The following AGMO variants were observed in gnomAD, a reference collection of about 807,000 sequenced individuals.
The protein encoded by AGMO is glyceryl-ether monooxygenase.
In AGMO, 75 loss-of-function variants were observed where a neutral mutation model predicts 60.2. The ratio of observed to expected loss-of-function variants is 1.25; its 90% CI spans 1.03 to 1.51. The LOEUF (loss-of-function observed/expected upper bound fraction) is 1.51, where lower values mean the gene tolerates loss of function less well. Ranked by LOEUF, AGMO falls within the 40% of genes most tolerant of loss-of-function variation. The probability of loss-of-function intolerance (pLI) is 0.00; values close to 1 mark genes in which losing one functional copy is unlikely to be tolerated. For missense variants in AGMO, 763 were observed against 525.5 expected (o/e 1.45, Z -4.42); for synonymous variants, 261 against 177.1 (o/e 1.47, Z -3.76).
the AGMO span, among the ~76,000 whole-genome samples, chr7:15,130,248 CT>C: frequency 5.9e-5 from 9 of 151,720 alleles, no homozygotes; most frequent in Admixed American, 2.0e-4. Flanking sequence ...ATTTATTTTC[CT>C]TTTTTTCTTT....
intron 3 of AGMO, among the ~76,000 whole-genome samples, chr7:15,488,023 G>A (rs1190720914): frequency 2.0e-5 from 3 of 151,894 alleles, no homozygotes; most frequent in Admixed American, 6.6e-5. Flanking sequence ...AATTTTCCCC[G>A]AGATCTGTTT....
chr7:15,272,810 A>C (rs1783657581), intron 12 of AGMO, among the ~76,000 whole-genome samples: 1 of 151,922 alleles, frequency 6.6e-6, no homozygotes, highest in Non-Finnish European at 1.5e-5. Context: ...TGACTTCTTA[A>C]TTTTAATGAT....
intron 3 of AGMO, among the ~76,000 whole-genome samples, chr7:15,434,795 G>A (rs115864766): frequency 0.087 from 13,209 of 152,104 alleles, 740 homozygotes; most frequent in South Asian, 0.15. Flanking sequence ...AACGTTTCTT[G>A]TTTTAAGCTT....
the AGMO span, among the ~76,000 whole-genome samples, chr7:15,149,802 C>T: frequency 6.6e-6 from 1 of 151,732 alleles, no homozygotes; most frequent in East Asian, 1.9e-4. Flanking sequence ...TTGGGCTCTT[C>T]TTTGGTTTTA....
At chr7:15,459,565 TTTTGG>T (rs2128508167) in intron 3 of AGMO, among the ~76,000 whole-genome samples, 1 of 107,456 alleles carries the variant, frequency 9.3e-6, no homozygotes, top group African/African-American at 3.9e-5. Context: ...ATTGGTAAAA[TTTTGG>T]TTTGATCTTT....
chr7:15,356,515 T>C (rs1178781291), intron 12 of AGMO, among the ~76,000 whole-genome samples: 1 of 152,058 alleles, frequency 6.6e-6, no homozygotes, highest in African/African-American at 2.4e-5. Context: ...AATATATTGC[T>C]TAATGATACC....
intron 3 of AGMO, among the ~76,000 whole-genome samples, chr7:15,534,177 G>A (rs1243069410): frequency 2.6e-5 from 4 of 151,678 alleles, no homozygotes; most frequent in Admixed American, 1.3e-4. Flanking sequence ...CTAGGTTCTC[G>A]AAAAGACATT....
intron 5 of AGMO, among the ~76,000 whole-genome samples, chr7:15,404,465 T>A (rs1337103371): frequency 1.3e-5 from 2 of 151,892 alleles, no homozygotes; most frequent in African/African-American, 4.8e-5. Context: ...TTTGTTATTT[T>A]TAAACAACAC....
At chr7:15,513,306 G>C (rs1257787858) in intron 3 of AGMO, among the ~76,000 whole-genome samples, 1 of 83,304 alleles carries the variant, frequency 1.2e-5, no homozygotes, top group African/African-American at 4.7e-5. Context: ...ACCACAAAAT[G>C]TTGTGGATAC....
At chr7:15,163,728 C>T in the AGMO span, among the ~76,000 whole-genome samples, 73,213 of 151,392 alleles carry the variant, frequency 0.48, 17,979 homozygotes, top group East Asian at 0.73. Context: ...TGCTAGTATT[C>T]TGTTAAAAAT....
At chr7:15,347,140 A>G (rs1210754442) in intron 12 of AGMO, among the ~76,000 whole-genome samples, 1 of 151,956 alleles carries the variant, frequency 6.6e-6, no homozygotes, top group East Asian at 1.9e-4. Flanking sequence ...CTGTATTGCA[A>G]TTCTTCTCCC....
At chr7:15,375,925 G>C (rs1269855532) in intron 10 of AGMO, among the ~76,000 whole-genome samples, 1 of 152,016 alleles carries the variant, frequency 6.6e-6, no homozygotes, top group Non-Finnish European at 1.5e-5. Flanking sequence ...GTGATATGAA[G>C]ATATATTTAA....
At chr7:15,358,893 G>C (rs531079728) in intron 12 of AGMO, among the ~76,000 whole-genome samples, 10 of 152,228 alleles carry the variant, frequency 6.6e-5, no homozygotes, top group African/African-American at 2.4e-4. Context: ...AAATAAAGCA[G>C]GGGTTGGGAT....
At position 15,298,227 on chromosome 7, in the gene AGMO, C is replaced by A. The variant is rs192166800; in HGVS notation, c.1263+67287G>T. On this transcript the variant is annotated intron_variant, in intron 12 of 12. Coordinates refer to ENST00000342526, the MANE Select transcript of AGMO (RefSeq NM_001004320.2). ...AATTGTATTAATGTGATAAAAAATG[C>A]AGTAAGAATATTTAATTAGCTCAAC... Among the ~76,000 whole-genome samples, 172 of 152,168 alleles carry A rather than the reference C, an allele frequency of 1.1e-3. 2 individuals carry two copies. Among genetic ancestry groups the A allele is most frequent in the African/African-American group, 3.9e-3 (163 of 41,524 alleles).
At chr7:15,150,332 G>C in the AGMO span, among the ~76,000 whole-genome samples, 1 of 151,994 alleles carries the variant, frequency 6.6e-6, no homozygotes, top group African/African-American at 2.4e-5. Flanking sequence ...ACTTCCAGTA[G>C]TATGATAAAT....
intron 7 of AGMO, 43 bp from the exon 8 acceptor site, chr7:15,390,793 A>G (rs1218144725): frequency 1.1e-5 from 16 of 1,454,348 alleles, no homozygotes; most frequent in Non-Finnish European, 1.4e-5. Context: ...CTTCCTGTAA[A>G]GTAAAGGAGC....
At chr7:15,121,703 C>T in the AGMO span, among the ~76,000 whole-genome samples, 1 of 152,088 alleles carries the variant, frequency 6.6e-6, no homozygotes, top group African/African-American at 2.4e-5. Context: ...GTAACCAAAA[C>T]AGCATGACAC....
chr7:15,516,882 C>A (rs578227655), intron 3 of AGMO, among the ~76,000 whole-genome samples: 13 of 151,592 alleles, frequency 8.6e-5, no homozygotes, highest in African/African-American at 3.2e-4. Flanking sequence ...GGATGAGGGG[C>A]AAGGGCTTCA....
chr7:15,264,711 C>CA (rs1469555248), intron 12 of AGMO, among the ~76,000 whole-genome samples: 1 of 151,960 alleles, frequency 6.6e-6, no homozygotes, highest in Non-Finnish European at 1.5e-5. Context: ...TAGAGAAATG[C>CA]AAATCAAAGC....
Sources: gnomAD v4.1 joint callset for allele counts (sites outside exome capture counted in the v4.1 genomes callset) on GRCh38, gnomAD v4.1.1 for gene constraint, MANE v1.5 for transcripts, NCBI Gene and HGNC (gene_info 2026-07-23, HGNC 2026-07-21) for gene names.